The following PSG8 variants were observed in gnomAD, a reference collection of about 807,000 sequenced individuals.
PSG8 encodes pregnancy specific beta-1-glycoprotein 8, also known as pregnancy-specific beta-1-glycoprotein 8.
Under a neutral mutation model 42.5 loss-of-function variants are expected in PSG8, and 57 were observed. The ratio of observed to expected loss-of-function variants is 1.34; its 90% CI spans 1.08 to 1.67. The LOEUF is 1.67. Ranked by LOEUF, PSG8 falls within the 40% of genes most tolerant of loss-of-function variation. The probability of loss-of-function intolerance (pLI) is 0.00; values close to 1 mark genes in which losing one functional copy is unlikely to be tolerated. For synonymous variants in PSG8, 280 were observed against 196.8 expected (o/e 1.42, Z -3.54); for missense variants, 783 against 518.6 (o/e 1.51, Z -4.95).
chr19:42,760,512 C>T (rs571400261), intron 2 of PSG8, among the ~76,000 whole-genome samples: 2 of 152,290 alleles, frequency 1.3e-5, no homozygotes, highest in East Asian at 3.9e-4. Context: ...GACGTATCCT[C>T]AAGCTAGGGA....
chr19:42,754,953 G>A (rs1188481716), intron 4 of PSG8, 35 bp downstream of exon 4: 2 of 1,581,564 alleles, frequency 1.3e-6, no homozygotes, highest in African/African-American at 2.7e-5. Context: ...ATTTAAGCTG[G>A]TGTCCTGGCC....
At chr19:42,765,398 T>A (rs770112285) in intron 1 of PSG8, 120 bp downstream of exon 1, 43 of 1,473,564 alleles carry the variant, frequency 2.9e-5, no homozygotes, top group Non-Finnish European at 3.8e-5. Flanking sequence ...ATGATCCACC[T>A]GCCTCAGCCT....
intron 3 of PSG8, chr19:42,755,821 T>C (rs1600407802): frequency 6.3e-6 from 1 of 159,494 alleles, no homozygotes; most frequent in African/African-American, 2.4e-5. Flanking sequence ...AGCCTGGAGG[T>C]CAGTTCAGTC....
At position 42,755,193 on chromosome 19, in the gene PSG8, G is replaced by A; in HGVS notation, c.783C>T (p.Thr261=). Residue 261 remains threonine, a synonymous_variant, in exon 4 of 5, where the codon ACC becomes ACT. Transcript: ENST00000306511. Reference sequence around the variant, plus strand: ...TGTAGTTCTCACTCTTAGGTTCACAGGTGAAGTTTAAGACATCCTTATTCT... The same window carrying A: ...TGTAGTTCTCACTCTTAGGTTCACAAGTGAAGTTTAAGACATCCTTATTCT... ...PRENKDVLNF[T]CEPKSENYTY... is the part of the protein sequence containing the mutation. 3 of 1,611,830 alleles carry A rather than the reference G, an allele frequency of 1.9e-6. No homozygotes were observed. The highest frequency in any genetic ancestry group is 2.2e-5 in the South Asian group (2 of 90,972).
chr19:42,763,218 T>C (rs1047010172), intron 2 of PSG8, among the ~76,000 whole-genome samples: 1 of 152,190 alleles, frequency 6.6e-6, no homozygotes, highest in African/African-American at 2.4e-5. Context: ...TTCTCTCTTG[T>C]GTTTCTGCTT....
Position 42,764,157 on chromosome 19 carries a change from A to G in PSG8, c.189T>C (p.Thr63=), listed in dbSNP as rs763266798. 1.4e-5 allele frequency: 23 copies of G among 1,613,812 alleles called. No individual in the cohort carries two copies. Among genetic ancestry groups the G allele is most frequent in the South Asian group, 3.3e-5 (3 of 91,068 alleles). ...LLVHNLPQNL[T]GYIWYKGQIR... Reference sequence around the variant, plus strand: ...TTTGCCCTTTGTACCAGATGTAGCCAGTAAGATTCTGGGGCAAATTGTGGA... The same window carrying G: ...TTTGCCCTTTGTACCAGATGTAGCCGGTAAGATTCTGGGGCAAATTGTGGA... The change falls in exon 2 of 5, where the codon ACT becomes ACC. Residue 63 remains threonine, a synonymous_variant. Coordinates refer to ENST00000306511, the MANE Select transcript of PSG8 (RefSeq NM_182707.3).
At chr19:42,764,461 G>T (rs574876035) in intron 1 of PSG8, among the ~76,000 whole-genome samples, 180 bp from the exon 2 acceptor site, 1 of 151,946 alleles carries the variant, frequency 6.6e-6, no homozygotes, top group African/African-American at 2.4e-5. Flanking sequence ...GTGTGTATGT[G>T]TGTGTGTCCT....
At chr19:42,757,035 G>T (rs1347963218) in intron 3 of PSG8, among the ~76,000 whole-genome samples, 1 of 151,946 alleles carries the variant, frequency 6.6e-6, no homozygotes, top group East Asian at 1.9e-4. Context: ...GTAGTTTTCA[G>T]GGTATAATCA....
intron 4 of PSG8, 27 bp downstream of exon 4, chr19:42,754,961 G>A (rs1969880419): frequency 6.3e-7 from 1 of 1,589,776 alleles, no homozygotes; most frequent in Non-Finnish European, 8.5e-7. Flanking sequence ...TGGTGTCCTG[G>A]CCCACAGAGG....
chr19:42,754,888 G>A, intron 4 of PSG8, 100 bp downstream of exon 4: 3 of 1,565,556 alleles, frequency 1.9e-6, no homozygotes, highest in Non-Finnish European at 1.7e-6. Flanking sequence ...CAGAAGTGAA[G>A]GTGTCTATAC....
At position 42,758,084 on chromosome 19, in the gene PSG8, C is replaced by G; in HGVS notation, c.627G>C (p.Lys209Asn). 6.2e-7 allele frequency: 1 copy of G among 1,614,054 alleles called. No homozygotes were observed. The change falls in exon 3 of 5, where the codon AAG becomes AAC. Residue 209 changes from lysine to asparagine, a missense_variant. Coordinates refer to ENST00000306511, the MANE Select transcript of PSG8 (RefSeq NM_182707.3). The stretch of plus-strand genomic sequence containing the variant: ...CACATTCATAGGGTCCTGCAGTGTA[C>G]TTTGTGACACCCAATAGAAAGAGGG... ...NRTLFLLGVT[K>N]YTAGPYECEI...
In PSG8 at chr19:42,765,664, G is replaced by A; in HGVS notation, c.-83C>T. 1 of 1,546,306 alleles carries A rather than the reference G, an allele frequency of 6.5e-7. No individual in the cohort carries two copies. The highest frequency in any genetic ancestry group is 2.2e-5 in the East Asian group (1 of 44,466). On this transcript the variant is annotated 5_prime_UTR_variant, in exon 1 of 5. Transcript: ENST00000306511. ...CCTGAGCACAGCTCTCAGCAGTGCT[G>A]TCCTGCCTCCTTCTGCGCTGAGCTT...
At chr19:42,762,470 A>T (rs28452845) in intron 2 of PSG8, among the ~76,000 whole-genome samples, 1 of 151,510 alleles carries the variant, frequency 6.6e-6, no homozygotes, top group South Asian at 2.1e-4. Context: ...GTGGCTAGAA[A>T]CTCCTAGGAT....
Position 42,754,420 on chromosome 19 carries a change from T to C in PSG8, c.1156A>G (p.Thr386Ala), listed in dbSNP as rs750196314. 1 of 1,613,838 alleles carries C rather than the reference T, an allele frequency of 6.2e-7. No individual in the cohort carries two copies. Among genetic ancestry groups the C allele is most frequent in the African/African-American group, 1.3e-5 (1 of 75,028 alleles). Reference sequence around the variant, plus strand: ...CAAGCATAGAGCCCGCTATGCTTTGTAGTAATTTGGGGGATAAAGAGCTTT... The same window carrying C: ...CAAGCATAGAGCCCGCTATGCTTTGCAGTAATTTGGGGGATAAAGAGCTTT... ...GQKLFIPQIT[T>A]KHSGLYACSV... The change falls in exon 5 of 5, where the codon ACA becomes GCA. Residue 386 changes from threonine (T) to alanine (A), a missense_variant. Thr to Ala is a moderately conservative substitution (Grantham distance 58, BLOSUM62 0). Transcript: ENST00000306511.
Position 42,758,149 on chromosome 19 carries a change from G to A in PSG8, c.562C>T (p.Pro188Ser), listed in dbSNP as rs1478910703. 6.2e-7 allele frequency: 1 copy of A among 1,613,846 alleles called. No homozygotes were observed. The highest frequency in any genetic ancestry group is 8.5e-7 in the Non-Finnish European group (1 of 1,179,980). The stretch of plus-strand genomic sequence containing the variant: ...GACAACTGCAACCTGTGAGACATAG[G>A]GAGGCTCTGACCATTCATCCACCAC... ...YLWWMNGQSL[P>S]MSHRLQLSET... The change falls in exon 3 of 5, where the codon CCT (proline) becomes TCT (serine). Residue 188 changes from proline to serine, a missense_variant. Transcript: ENST00000306511.
chr19:42,757,342 C>A (rs576355963), intron 3 of PSG8, among the ~76,000 whole-genome samples: 71 of 152,154 alleles, frequency 4.7e-4, no homozygotes, highest in African/African-American at 1.7e-3. Flanking sequence ...ATCCACTTAC[C>A]AGGGACTATG....
chr19:42,764,434 G>A (rs1465610568), intron 1 of PSG8, among the ~76,000 whole-genome samples, 153 bp from the exon 2 acceptor site: 3 of 151,824 alleles, frequency 2.0e-5, no homozygotes, highest in African/African-American at 4.8e-5. Context: ...ACACAAAAGC[G>A]GCATGTGTGT....
At chr19:42,764,441 G>T (rs1279931541) in intron 1 of PSG8, among the ~76,000 whole-genome samples, 160 bp from the exon 2 acceptor site, 4 of 151,956 alleles carry the variant, frequency 2.6e-5, no homozygotes, top group Non-Finnish European at 2.9e-5. Context: ...AGCGGCATGT[G>T]TGTCTGTGTG....
chr19:42,759,390 A>C (rs1345106346), intron 2 of PSG8, among the ~76,000 whole-genome samples: 1 of 152,060 alleles, frequency 6.6e-6, no homozygotes, highest in Non-Finnish European at 1.5e-5. Context: ...GGTTCTAGAG[A>C]TCTCCTGTAC....
Sources: allele counts gnomAD v4.1 joint callset (sites outside exome capture counted in the v4.1 genomes callset), GRCh38; gene constraint gnomAD v4.1.1; transcripts MANE v1.5; gene names NCBI Gene and HGNC (gene_info 2026-07-23, HGNC 2026-07-21).